BCL7C: variants seen among roughly 807,000 people sequenced by gnomAD.
BCL7C encodes BAF chromatin remodeling complex subunit BCL7C.
BCL7C carries 8 observed loss-of-function variants against 26.2 expected under a neutral mutation model. The observed-to-expected ratio is 0.30, with a 90% CI of 0.18 to 0.55. BCL7C has a LOEUF of 0.55. Ranked by LOEUF, BCL7C falls within the 20% of genes least tolerant of loss-of-function variation. The pLI is 0.93. For synonymous variants in BCL7C, 90 were observed against 116.5 expected (o/e 0.77, Z 1.47); for missense variants, 262 against 298.5 (o/e 0.88, Z 0.90).
chr16:30,862,972 C>T (rs1413534823), intron 5 of BCL7C, among the ~76,000 whole-genome samples: 2 of 152,158 alleles, frequency 1.3e-5, no homozygotes, highest in Non-Finnish European at 2.9e-5. Context: ...AAGTGCAGGG[C>T]TATGCAGCTG....
intron 5 of BCL7C, among the ~76,000 whole-genome samples, chr16:30,847,720 C>T (rs898918145): frequency 6.6e-6 from 1 of 151,820 alleles, no homozygotes; most frequent in Admixed American, 6.6e-5. Flanking sequence ...CGCTTGAACC[C>T]GGGAGGCGGA....
intron 5 of BCL7C, among the ~76,000 whole-genome samples, chr16:30,836,897 G>A (rs1022000672): frequency 2.0e-5 from 3 of 151,668 alleles, no homozygotes; most frequent in Non-Finnish European, 4.4e-5. Context: ...AGGTTCAAGC[G>A]ATTCTCCTGC....
intron 5 of BCL7C, among the ~76,000 whole-genome samples, chr16:30,879,702 A>AAAAAAAAAAAAAAC (rs751856538): frequency 2.1e-5 from 3 of 145,472 alleles, no homozygotes; most frequent in Admixed American, 7.0e-5. Flanking sequence ...AAAAAAAAAA[A>AAAAAAAAAAAAAAC]AAAAAAACTG....
chr16:30,893,253 G>C lies in BCL7C; in HGVS notation c.130C>G (p.Arg44Gly), dbSNP rs772485153. Residue 44 changes from arginine to glycine, a missense_variant, in exon 2 of 6, where the codon CGT becomes GGT. Coordinates refer to ENST00000215115, the MANE Select transcript of BCL7C (RefSeq NM_004765.4). The surrounding 1 kb of genome is among the most constrained non-coding windows in gnomAD (Gnocchi z 5.2). The part of the protein sequence containing the change: ...RWVTVGDTSL[R>G]IFKWVPVVDP... The stretch of plus-strand genomic sequence containing the variant: ...ACCACTGGCACCCACTTGAAGATAC[G>C]AAGGGAAGTGTCGCCCACAGTCACC... 1 of 1,613,590 alleles carries C rather than the reference G, an allele frequency of 6.2e-7. No homozygotes were observed. The highest frequency in any genetic ancestry group is 8.5e-7 in the Non-Finnish European group (1 of 1,179,766).
At chr16:30,875,205 G>C (rs1475982520) in intron 5 of BCL7C, 5 of 154,508 alleles carry the variant, frequency 3.2e-5, no homozygotes, top group African/African-American at 1.2e-4. Context: ...CCCTGCGGGA[G>C]GGTCTGGCCT....
intron 5 of BCL7C, among the ~76,000 whole-genome samples, chr16:30,848,891 CAAA>C (rs58484131): frequency 1.2e-4 from 16 of 131,770 alleles, no homozygotes; most frequent in Non-Finnish European, 1.4e-4. Context: ...GACTCCATCA[CAAA>C]AAAAAAAAAA....
intron 5 of BCL7C, among the ~76,000 whole-genome samples, chr16:30,870,810 A>G (rs543046829): frequency 6.6e-6 from 1 of 152,340 alleles, no homozygotes; most frequent in South Asian, 2.1e-4. Context: ...TCTCAACTCC[A>G]GAATGTCCCT....
chr16:30,862,506 T>C (rs182598726), intron 5 of BCL7C, among the ~76,000 whole-genome samples: 3 of 152,224 alleles, frequency 2.0e-5, no homozygotes, highest in Admixed American at 1.3e-4. Flanking sequence ...TTATTCAATA[T>C]TGTAACGACC....
chr16:30,850,077 G>A (rs982578427), intron 5 of BCL7C, among the ~76,000 whole-genome samples: 10 of 151,956 alleles, frequency 6.6e-5, no homozygotes, highest in East Asian at 5.8e-4. Flanking sequence ...GGGCATGGTG[G>A]CAGGCACCTG....
At chr16:30,887,602 G>GGA (rs1335622956), downstream of BCL7C, among the ~76,000 whole-genome samples, 4 of 152,104 alleles carry the variant, frequency 2.6e-5, no homozygotes, top group African/African-American at 9.7e-5. Flanking sequence ...GTGAAGGTCG[G>GGA]GAGATAGGAC....
At chr16:30,872,472 G>C (rs1402503548) in intron 5 of BCL7C, among the ~76,000 whole-genome samples, 1 of 152,184 alleles carries the variant, frequency 6.6e-6, no homozygotes, top group South Asian at 2.1e-4. Context: ...CAGCACGCAC[G>C]TTCACACACA....
chr16:30,857,781 G>C (rs2054735694), intron 5 of BCL7C, among the ~76,000 whole-genome samples: 1 of 152,032 alleles, frequency 6.6e-6, no homozygotes, highest in South Asian at 2.1e-4. Flanking sequence ...GACCAGCCTG[G>C]CCGACATGAT....
At chr16:30,891,876 A>G (rs1436729397) in intron 4 of BCL7C, among the ~76,000 whole-genome samples, 1 of 151,428 alleles carries the variant, frequency 6.6e-6, no homozygotes, top group Non-Finnish European at 1.5e-5. Flanking sequence ...GGGCCAGAGG[A>G]TCCCTTGAGC....
rs184578752 is a variant in BCL7C, at chr16:30,849,992, A to G, written c.529-14844T>C. On this transcript the variant is annotated intron_variant, in intron 5 of 5. Coordinates refer to the BCL7C transcript ENST00000380317. ...TGGGAGGCCAAGGTGGGCAGATCAC[A>G]AGGTCAGGAGATCAAGACCATCCTG... Among the ~76,000 whole-genome samples the G allele has an allele frequency of 4.5e-3, 688 of 151,950 alleles. 2 individuals carry two copies. The highest frequency in any genetic ancestry group is 0.015 in the African/African-American group (614 of 41,470).
chr16:30,891,345 C>T (rs1290659465), intron 4 of BCL7C, among the ~76,000 whole-genome samples: 5 of 152,056 alleles, frequency 3.3e-5, no homozygotes, highest in Non-Finnish European at 7.3e-5. Flanking sequence ...GCCTATATTC[C>T]CAGCTACCCA....
At chr16:30,884,187 A>C (rs1188991479), downstream of BCL7C, among the ~76,000 whole-genome samples, 1 of 150,320 alleles carries the variant, frequency 6.7e-6, no homozygotes, top group Non-Finnish European at 1.5e-5. Context: ...GCCTGGGGGG[A>C]ATCAGGACAG....
intron 5 of BCL7C, among the ~76,000 whole-genome samples, chr16:30,844,678 G>A (rs1239438052): frequency 6.6e-6 from 1 of 152,164 alleles, no homozygotes; most frequent in African/African-American, 2.4e-5. Context: ...AAGTTCCAGG[G>A]GCTTTCACTT....
intron 5 of BCL7C, among the ~76,000 whole-genome samples, chr16:30,878,543 A>C (rs1354281547): frequency 6.8e-6 from 1 of 147,162 alleles, no homozygotes; most frequent in African/African-American, 2.5e-5. Flanking sequence ...TATTTCAAAA[A>C]AAACAAAAAT....
At chr16:30,850,001 A>G (rs1281818138) in intron 5 of BCL7C, among the ~76,000 whole-genome samples, 1 of 151,872 alleles carries the variant, frequency 6.6e-6, no homozygotes, top group South Asian at 2.1e-4. Flanking sequence ...CAAGGTCAGG[A>G]GATCAAGACC....
Sources: allele counts gnomAD v4.1 joint callset (sites outside exome capture counted in the v4.1 genomes callset), GRCh38; gene constraint gnomAD v4.1.1; non-coding constraint Gnocchi (gnomAD v3.1); transcripts MANE v1.5; gene names NCBI Gene and HGNC (gene_info 2026-07-23, HGNC 2026-07-21).